The following GALNTL6 variants were observed in gnomAD, a reference collection of about 807,000 sequenced individuals.
GALNTL6 encodes polypeptide N-acetylgalactosaminyltransferase-like 6.
A neutral mutation model predicts 73.7 loss-of-function variants in GALNTL6; 46 were observed. The observed-to-expected ratio is 0.62, with a 90% confidence interval of 0.49 to 0.80. The LOEUF is 0.80. Ranked by LOEUF, GALNTL6 falls within the 30% of genes least tolerant of loss-of-function variation. The pLI is 0.00. For missense variants in GALNTL6, 604 were observed against 755.0 expected, an observed-to-expected ratio of 0.80 and a Z score of 2.34; for synonymous variants, 259 against 263.7, an observed-to-expected ratio of 0.98 and a Z score of 0.17.
intron 5 of GALNTL6, among the ~76,000 whole-genome samples, chr4:172,720,651 T>G (rs2111355218): frequency 6.6e-6 from 1 of 152,296 alleles, no homozygotes; most frequent in African/African-American, 2.4e-5. Context: ...AAACAAAAAA[T>G]TAAAAGGCTG....
intron 3 of GALNTL6, among the ~76,000 whole-genome samples, chr4:172,272,842 C>A (rs1287427760): frequency 6.6e-6 from 1 of 151,878 alleles, no homozygotes; most frequent in African/African-American, 2.4e-5. Context: ...TATGTTCCTC[C>A]TGAGGTAAAT....
intron 4 of GALNTL6, among the ~76,000 whole-genome samples, chr4:172,319,429 A>G (rs1430179460): frequency 1.3e-5 from 2 of 152,218 alleles, no homozygotes; most frequent in Non-Finnish European, 2.9e-5. Flanking sequence ...GTCATTTAAA[A>G]TTTTAATAAA....
intron 2 of GALNTL6, among the ~76,000 whole-genome samples, chr4:172,111,474 CTTAAG>C (rs918651575): frequency 2.6e-4 from 40 of 151,984 alleles, no homozygotes; most frequent in African/African-American, 6.0e-4. Flanking sequence ...AAAAGATGAG[CTTAAG>C]TTAATTGAAT....
At chr4:171,878,089 A>G (rs1736329674) in intron 2 of GALNTL6, among the ~76,000 whole-genome samples, 1 of 152,360 alleles carries the variant, frequency 6.6e-6, no homozygotes, top group Admixed American at 6.5e-5. Context: ...TTCAGAGTAG[A>G]ACTAACAAGT....
At position 172,079,418 on chromosome 4, in the gene GALNTL6, G is replaced by T. The variant is rs544802505; in HGVS notation, c.139-150238G>T. ...TTACTATTATATATAATGCCTTTATGTATATCTTTGATTAATTGACTATTT... is the reference window on the plus strand; with the variant it reads ...TTACTATTATATATAATGCCTTTATTTATATCTTTGATTAATTGACTATTT... On this transcript the variant is annotated intron_variant, in intron 2 of 12. Transcript: ENST00000506823. Among the ~76,000 whole-genome samples, 79 of 152,006 alleles carry T rather than the reference G, an allele frequency of 5.2e-4. No individual in the cohort carries two copies. In the South Asian group the frequency reaches 0.016, roughly 31 times the overall value.
intron 5 of GALNTL6, among the ~76,000 whole-genome samples, chr4:172,760,289 A>G (rs1362998385): frequency 1.3e-5 from 2 of 152,118 alleles, no homozygotes; most frequent in East Asian, 3.9e-4. Flanking sequence ...CAGCTTTAGG[A>G]TCACCCTGTT....
intron 4 of GALNTL6, among the ~76,000 whole-genome samples, chr4:172,317,424 G>A (rs1385472710): frequency 2.0e-5 from 3 of 152,216 alleles, no homozygotes; most frequent in South Asian, 2.1e-4. Context: ...CAGCGATCGC[G>A]TGATCTATTC....
chr4:172,913,864 A>C (rs550923512), intron 8 of GALNTL6, among the ~76,000 whole-genome samples: 1 of 152,328 alleles, frequency 6.6e-6, no homozygotes, highest in South Asian at 2.1e-4. Context: ...AAGGCAGGCC[A>C]ACATTCAAAT....
chr4:172,709,898 C>A (rs1195186377), intron 5 of GALNTL6, among the ~76,000 whole-genome samples: 3 of 151,670 alleles, frequency 2.0e-5, no homozygotes, highest in African/African-American at 7.3e-5. Context: ...ACTAGAAAAA[C>A]AAATGATTGT....
At chr4:172,523,806 T>G (rs950836664) in intron 5 of GALNTL6, among the ~76,000 whole-genome samples, 3 of 152,184 alleles carry the variant, frequency 2.0e-5, no homozygotes, top group Non-Finnish European at 4.4e-5. Context: ...AATGGGGTAT[T>G]TATTTTGCCT....
intron 2 of GALNTL6, among the ~76,000 whole-genome samples, chr4:171,879,106 C>T (rs1054767275): frequency 6.6e-6 from 1 of 152,148 alleles, no homozygotes; most frequent in East Asian, 1.9e-4. Flanking sequence ...CAAACTAATA[C>T]CGTATTGAAG....
At chr4:172,143,787 G>A (rs576744573) in intron 2 of GALNTL6, among the ~76,000 whole-genome samples, 6 of 152,032 alleles carry the variant, frequency 3.9e-5, no homozygotes, top group East Asian at 3.9e-4. Context: ...TAGATAGAAC[G>A]TTTTCCTCAC....
At chr4:172,969,312 A>C (rs1936883525) in intron 10 of GALNTL6, among the ~76,000 whole-genome samples, 1 of 152,162 alleles carries the variant, frequency 6.6e-6, no homozygotes, top group Non-Finnish European at 1.5e-5. Flanking sequence ...CACAAAGAAA[A>C]GAGAACAAAA....
intron 5 of GALNTL6, among the ~76,000 whole-genome samples, chr4:172,734,070 G>A (rs944977785): frequency 9.9e-5 from 15 of 152,202 alleles, no homozygotes; most frequent in Non-Finnish European, 2.9e-5. Context: ...TGAGGAACTT[G>A]TTGGGAACTG....
intron 8 of GALNTL6, among the ~76,000 whole-genome samples, chr4:172,928,040 T>A (rs1298789566): frequency 6.6e-6 from 1 of 152,200 alleles, no homozygotes; most frequent in Non-Finnish European, 1.5e-5. Flanking sequence ...TGAAAGTTAG[T>A]GTTTGAAAGG....
intron 2 of GALNTL6, among the ~76,000 whole-genome samples, chr4:172,027,735 C>T (rs1212682620): frequency 6.6e-6 from 1 of 152,054 alleles, no homozygotes; most frequent in Non-Finnish European, 1.5e-5. Context: ...AACAGCTCGA[C>T]AAATAGTGAA....
intron 2 of GALNTL6, among the ~76,000 whole-genome samples, chr4:171,990,056 A>C (rs1579039010): frequency 6.6e-6 from 1 of 152,156 alleles, no homozygotes; most frequent in Non-Finnish European, 1.5e-5. Context: ...AAAGGATTAT[A>C]GGGTGGAGGA....
At chr4:172,463,951 G>A (rs143791481) in intron 5 of GALNTL6, among the ~76,000 whole-genome samples, 102 of 152,166 alleles carry the variant, frequency 6.7e-4, no homozygotes, top group Non-Finnish European at 1.1e-3. Flanking sequence ...TACTTTCTAC[G>A]GATAAGGAAC....
At chr4:172,056,525 T>A (rs1046540712) in intron 2 of GALNTL6, among the ~76,000 whole-genome samples, 6 of 152,126 alleles carry the variant, frequency 3.9e-5, no homozygotes, top group African/African-American at 1.4e-4. Context: ...TCTATGAACA[T>A]TTTTAGGACT....
Sources: allele counts gnomAD v4.1 joint callset (sites outside exome capture counted in the v4.1 genomes callset), GRCh38; gene constraint gnomAD v4.1.1; transcripts MANE v1.5; gene names NCBI Gene and HGNC (gene_info 2026-07-23, HGNC 2026-07-21).